Variants in RASA3 observed in about 807,000 individuals in gnomAD.
RASA3 encodes ras GTPase-activating protein 3.
In RASA3, 73 loss-of-function variants were observed where a neutral mutation model predicts 110.0. The ratio of observed to expected loss-of-function variants is 0.66; its 90% confidence interval spans 0.55 to 0.81. The LOEUF (loss-of-function observed/expected upper bound fraction) is 0.81. RASA3 is among the 30% of genes least tolerant of loss of function. RASA3 has a pLI of 0.00. For synonymous variants in RASA3, 500 were observed against 451.4 expected (o/e 1.11, Z -1.37); for missense variants, 976 against 1,113.2 (o/e 0.88, Z 1.75).
chr13:114,098,424 G>A (rs1406018378), intron 1 of RASA3, among the ~76,000 whole-genome samples: 1 of 152,154 alleles, frequency 6.6e-6, no homozygotes, highest in African/African-American at 2.4e-5. Context: ...AGAGCCATGG[G>A]GGAACAGAGA....
intron 1 of RASA3, among the ~76,000 whole-genome samples, chr13:114,125,484 T>G (rs1313258677): frequency 6.6e-6 from 1 of 152,112 alleles, no homozygotes; most frequent in African/African-American, 2.4e-5. Flanking sequence ...GAGAACTCAC[T>G]CACTATCGTG....
intron 1 of RASA3, among the ~76,000 whole-genome samples, chr13:114,123,355 A>G (rs563707089): frequency 9.9e-5 from 15 of 152,228 alleles, no homozygotes; most frequent in Admixed American, 5.2e-4. Flanking sequence ...AGAAGAGTGA[A>G]ACCTTTTCCT....
rs964616693 is a variant in RASA3 at position 114,048,889 on chromosome 13, T to G, written c.277+3163A>C. Among the ~76,000 whole-genome samples the G allele has an allele frequency of 5.9e-5, 9 of 151,988 alleles. No individual in the cohort carries two copies. The highest frequency in any genetic ancestry group is 1.3e-4 in the Non-Finnish European group (9 of 67,962). On this transcript the variant is annotated intron_variant, in intron 3 of 23. Transcript: ENST00000334062. The surrounding 1 kb of genome is among the most constrained non-coding windows in gnomAD (Gnocchi z 4.3). Reference sequence around the variant, plus strand: ...GGTGCCGGGGTGGGCTGGGGAGGGCTGAGGGCAGGCCTTTATTTCCCCAAG... The same window carrying G: ...GGTGCCGGGGTGGGCTGGGGAGGGCGGAGGGCAGGCCTTTATTTCCCCAAG...
chr13:114,025,989 C>T, intron 7 of RASA3, among the ~76,000 whole-genome samples: 1 of 152,212 alleles, frequency 6.6e-6, no homozygotes, highest in Non-Finnish European at 1.5e-5. Flanking sequence ...AGCAGGGCCC[C>T]GCGCGTCCCA....
intron 1 of RASA3, among the ~76,000 whole-genome samples, chr13:114,122,135 G>A (rs1049788038): frequency 1.3e-4 from 20 of 152,352 alleles, no homozygotes; most frequent in Admixed American, 9.8e-4. Flanking sequence ...CTGCGCAGCC[G>A]GCCACGGCGG....
At chr13:114,015,062 C>T in intron 14 of RASA3, 147 bp downstream of exon 14, 1 of 1,186,434 alleles carries the variant, frequency 8.4e-7, no homozygotes, top group Admixed American at 2.1e-5. Flanking sequence ...GGGCACAAAC[C>T]CCGGAAAAAT....
At chr13:114,062,410 C>T (rs2079371269) in intron 2 of RASA3, among the ~76,000 whole-genome samples, 1 of 152,122 alleles carries the variant, frequency 6.6e-6, no homozygotes, top group African/African-American at 2.4e-5. Flanking sequence ...AGATGCGAAT[C>T]CAAACACACA....
chr13:114,002,209 C>T (rs932084350), intron 18 of RASA3, among the ~76,000 whole-genome samples: 5 of 152,204 alleles, frequency 3.3e-5, no homozygotes, highest in Admixed American at 6.5e-5. Flanking sequence ...AGACGCACCT[C>T]GACAAGCGCA....
At chr13:114,041,754 G>A (rs1451616576) in intron 3 of RASA3, among the ~76,000 whole-genome samples, 7 of 152,272 alleles carry the variant, frequency 4.6e-5, no homozygotes, top group African/African-American at 7.2e-5. Context: ...AGGACTGAGA[G>A]CCAGAATGAG....
intron 22 of RASA3, among the ~76,000 whole-genome samples, chr13:113,984,744 C>T (rs2053013447): frequency 2.5e-5 from 2 of 79,766 alleles, no homozygotes; most frequent in South Asian, 6.0e-4. Context: ...ACCCATCTGT[C>T]CATCCACCCA....
At chr13:113,996,097 T>TGGGGGGCCCGGCTGAC (rs1238945232) in intron 21 of RASA3, among the ~76,000 whole-genome samples, 1 of 55,080 alleles carries the variant, frequency 1.8e-5, no homozygotes, top group African/African-American at 7.5e-5. Flanking sequence ...GCCCGGCTGA[T>TGGGGGGCCCGGCTGAC]GGGGACCCGG....
At chr13:114,127,081 C>T (rs2080460623) in intron 1 of RASA3, among the ~76,000 whole-genome samples, 1 of 152,218 alleles carries the variant, frequency 6.6e-6, no homozygotes, top group African/African-American at 2.4e-5. Flanking sequence ...AACACACACA[C>T]GTCTATGTTT....
Position 114,115,063 on chromosome 13 carries a change from C to G in RASA3, c.55+17372G>C, listed in dbSNP as rs907605030. Among the ~76,000 whole-genome samples the G allele has an allele frequency of 1.3e-5, 2 of 151,950 alleles. No individual in the cohort carries two copies. Among genetic ancestry groups the G allele is most frequent in the Non-Finnish European group, 1.5e-5 (1 of 67,952 alleles). On this transcript the variant is annotated intron_variant, in intron 1 of 23. Transcript: ENST00000334062. The surrounding 1 kb of genome is among the most constrained non-coding windows in gnomAD (Gnocchi z 5.0). Reference sequence around the variant, plus strand: ...ATGCTGCAGGTTCCCCAGCCCCACCCCCAGCTGTGAGATGCTGCAGGTCCC... The same window carrying G: ...ATGCTGCAGGTTCCCCAGCCCCACCGCCAGCTGTGAGATGCTGCAGGTCCC...
chr13:114,030,695 TCCA>T (rs2054146804), intron 4 of RASA3, among the ~76,000 whole-genome samples: 1 of 152,234 alleles, frequency 6.6e-6, no homozygotes, highest in African/African-American at 2.4e-5. Flanking sequence ...TGGGTGTGTG[TCCA>T]CCTGTCTGTG....
chr13:114,117,050 T>C (rs2080290644), intron 1 of RASA3, among the ~76,000 whole-genome samples: 1 of 118,770 alleles, frequency 8.4e-6, no homozygotes, highest in African/African-American at 3.5e-5. Context: ...GGTGCACGTG[T>C]GTGAGGGGTG....
At chr13:113,993,669 G>C (rs2053168726) in intron 21 of RASA3, among the ~76,000 whole-genome samples, 2 of 151,568 alleles carry the variant, frequency 1.3e-5, no homozygotes, top group African/African-American at 4.8e-5. Flanking sequence ...TTAGCCAGGT[G>C]TGGTGGTGCA....
intron 2 of RASA3, among the ~76,000 whole-genome samples, chr13:114,071,037 C>T (rs938541866): frequency 6.6e-6 from 1 of 152,110 alleles, no homozygotes; most frequent in Non-Finnish European, 1.5e-5. Context: ...CCGGCGTCCA[C>T]GCTAAACGGT....
intron 3 of RASA3, among the ~76,000 whole-genome samples, chr13:114,045,714 C>T (rs915673226): frequency 6.6e-5 from 10 of 152,190 alleles, no homozygotes; most frequent in African/African-American, 9.7e-5. Flanking sequence ...GTGGAGACGT[C>T]GACTGCGTTT....
chr13:114,044,831 A>G (rs558295156), intron 3 of RASA3, among the ~76,000 whole-genome samples: 32 of 152,178 alleles, frequency 2.1e-4, no homozygotes, highest in African/African-American at 4.8e-4. Flanking sequence ...AATACTTGCA[A>G]TGTCACTGTG....
Sources: allele counts gnomAD v4.1 joint callset (sites outside exome capture counted in the v4.1 genomes callset), GRCh38; gene constraint gnomAD v4.1.1; non-coding constraint Gnocchi (gnomAD v3.1); transcripts MANE v1.5; gene names NCBI Gene and HGNC (gene_info 2026-07-23, HGNC 2026-07-21).